The following SHTN1 variants were observed in gnomAD, a reference collection of about 807,000 sequenced individuals.
The protein encoded by SHTN1 is shootin-1.
Under a neutral mutation model 83.1 loss-of-function variants are expected in SHTN1, and 42 were observed. The observed-to-expected ratio is 0.51, with a 90% CI of 0.39 to 0.65. The LOEUF is 0.65. Ranked by LOEUF, SHTN1 falls within the 30% of genes least tolerant of loss-of-function variation. SHTN1 has a pLI of 0.00. For synonymous variants in SHTN1, 224 were observed against 247.7 expected (o/e 0.90, Z 0.90); for missense variants, 622 against 737.8 (o/e 0.84, Z 1.82).
chr10:117,104,115 A>C (rs1334172164), intron 1 of SHTN1, among the ~76,000 whole-genome samples: 2 of 152,014 alleles, frequency 1.3e-5, no homozygotes, highest in South Asian at 4.1e-4. Flanking sequence ...CTGGCACCAA[A>C]TCCACCATTT....
At chr10:117,035,026 T>A (rs944358553) in intron 2 of SHTN1, among the ~76,000 whole-genome samples, 1 of 152,146 alleles carries the variant, frequency 6.6e-6, no homozygotes, top group Non-Finnish European at 1.5e-5. Flanking sequence ...GCCAAAGCTA[T>A]CCTAAGCTAG....
chr10:117,064,513 G>A (rs1589917059), intron 1 of SHTN1, among the ~76,000 whole-genome samples: 2 of 152,198 alleles, frequency 1.3e-5, no homozygotes, highest in East Asian at 3.9e-4. Context: ...AAATTAGCTG[G>A]GTGTGGTGGT....
At chr10:116,973,672 A>T (rs955951373) in intron 2 of SHTN1, among the ~76,000 whole-genome samples, 1 of 152,228 alleles carries the variant, frequency 6.6e-6, no homozygotes, top group Non-Finnish European at 1.5e-5. Context: ...AAATACTGCC[A>T]AACCAGAACT....
intron 1 of SHTN1, among the ~76,000 whole-genome samples, chr10:117,099,007 T>TATACAC (rs1564958876): frequency 2.3e-5 from 1 of 43,090 alleles, no homozygotes; most frequent in African/African-American, 5.8e-5. Flanking sequence ...ATGTGGTATG[T>TATACAC]ATACACACAC....
intron 1 of SHTN1, among the ~76,000 whole-genome samples, chr10:117,089,641 A>G (rs1177308146): frequency 6.6e-6 from 1 of 152,182 alleles, no homozygotes; most frequent in African/African-American, 2.4e-5. Context: ...CAGTATCAAC[A>G]GAATGAGAAG....
At chr10:116,962,992 A>C (rs1385048066) in intron 3 of SHTN1, among the ~76,000 whole-genome samples, 1 of 147,924 alleles carries the variant, frequency 6.8e-6, no homozygotes, top group Non-Finnish European at 1.5e-5. Flanking sequence ...AAACAGAAAT[A>C]CTTTTAATAT....
At chr10:117,086,178 A>C (rs887109014) in intron 1 of SHTN1, among the ~76,000 whole-genome samples, 2 of 152,144 alleles carry the variant, frequency 1.3e-5, no homozygotes, top group Admixed American at 1.3e-4. Flanking sequence ...TTGGCCTCCC[A>C]AAGTGCTGGG....
chr10:116,896,986 T>C (rs534867394), intron 16 of SHTN1, among the ~76,000 whole-genome samples: 1 of 152,234 alleles, frequency 6.6e-6, no homozygotes, highest in African/African-American at 2.4e-5. Flanking sequence ...TTTGTATTTT[T>C]AGTAGAGATA....
chr10:117,005,316 G>A (rs1851979030), upstream of SHTN1: 1 of 1,379,904 alleles, frequency 7.2e-7, no homozygotes, highest in African/African-American at 1.5e-5. Flanking sequence ...CAGCAGTCCC[G>A]TTCAGGGGGT....
At chr10:117,112,012 C>G (rs1213947509) in intron 1 of SHTN1, among the ~76,000 whole-genome samples, 1 of 152,128 alleles carries the variant, frequency 6.6e-6, no homozygotes, top group Non-Finnish European at 1.5e-5. Flanking sequence ...GTCACCCAGG[C>G]TGGAGTCCAG....
intron 16 of SHTN1, among the ~76,000 whole-genome samples, chr10:116,894,085 AT>A (rs1416937894): frequency 1.3e-5 from 2 of 152,166 alleles, no homozygotes; most frequent in African/African-American, 2.4e-5. Flanking sequence ...AGGCAATTAG[AT>A]TTTTTTTCTT....
At position 116,928,430 on chromosome 10, in the gene SHTN1, T is replaced by C. The variant is rs1848824815; in HGVS notation, c.1013-539A>G. On this transcript the variant is annotated intron_variant, in intron 10 of 16. Coordinates refer to ENST00000355371, the MANE Select transcript of SHTN1 (RefSeq NM_001127211.3). ...CTTTTTGCTCTTTTGAAGAGATTTCTGGAAATGTATCGTATTCCTTCAAGT... is the reference window on the plus strand; with the variant it reads ...CTTTTTGCTCTTTTGAAGAGATTTCCGGAAATGTATCGTATTCCTTCAAGT... Among the ~76,000 whole-genome samples the C allele has an allele frequency of 5.3e-5, 8 of 152,236 alleles. No homozygotes were observed. The South Asian group carries it at 1.7e-3, about 31-fold the overall frequency.
chr10:117,016,509 C>T (rs999050325), intron 2 of SHTN1, among the ~76,000 whole-genome samples: 2 of 152,184 alleles, frequency 1.3e-5, no homozygotes, highest in East Asian at 1.9e-4. Context: ...TGGCTTCAAG[C>T]GATTTTCCAG....
rs1308566013 is a variant in SHTN1, at chr10:116,881,928, AC to A, written c.*4415del. 2 of 327,826 alleles carry A rather than the reference AC, an allele frequency of 6.1e-6. No homozygotes were observed. Among genetic ancestry groups the A allele is most frequent in the Non-Finnish European group, 1.1e-5 (2 of 182,618 alleles). 20.3% of individuals were successfully genotyped at this position (327,826 alleles called of 1,614,324 possible). A position where few individuals can be genotyped will look rare whatever the true frequency, so the allele number is the denominator to read the frequency against. On this transcript the variant is annotated 3_prime_UTR_variant, in exon 17 of 17. Transcript: ENST00000355371. ...GCTCTCCTGTCCATTTTTCAGGGACACGCTCCAGTAAAAGAGGCCAATATTT... is the reference window on the plus strand; with the variant it reads ...GCTCTCCTGTCCATTTTTCAGGGACAGCTCCAGTAAAAGAGGCCAATATTT...
chr10:116,972,793 A>G (rs1438841339), intron 2 of SHTN1, among the ~76,000 whole-genome samples: 1 of 152,214 alleles, frequency 6.6e-6, no homozygotes, highest in Non-Finnish European at 1.5e-5. Context: ...CAGTGGCACA[A>G]CTGCTGGCTC....
At chr10:116,974,123 C>T (rs1850711125) in intron 2 of SHTN1, 1 of 1,073,396 alleles carries the variant, frequency 9.3e-7, no homozygotes, top group Non-Finnish European at 1.1e-6. Flanking sequence ...TGGTAGCTGC[C>T]CTCAAAGCTG....
chr10:117,077,684 T>C (rs1853181104), intron 1 of SHTN1, among the ~76,000 whole-genome samples: 1 of 152,112 alleles, frequency 6.6e-6, no homozygotes, highest in Non-Finnish European at 1.5e-5. Flanking sequence ...TGTGTCCATG[T>C]GTTCTCATTG....
chr10:117,097,013 G>A lies in SHTN1; in HGVS notation c.-189+29294C>T, dbSNP rs187835884. On this transcript the variant is annotated intron_variant, in intron 1 of 17. Coordinates refer to the SHTN1 transcript ENST00000392901. ...CAAACACCCAAGCGCGCACGCGCGC[G>A]CACACACACACACATAGACACACAC... Among the ~76,000 whole-genome samples the A allele has an allele frequency of 3.5e-3, 497 of 141,750 alleles. 7 individuals are homozygous for A. The highest frequency in any genetic ancestry group is 1.8e-3 in the Non-Finnish European group (115 of 65,592). The allele number at this position is 141,750 out of a possible 152,430, so 93.0% of individuals were successfully genotyped here. A position where few individuals can be genotyped will look rare whatever the true frequency, so the allele number is the denominator to read the frequency against.
At chr10:117,016,612 G>T (rs1331672617) in intron 2 of SHTN1, among the ~76,000 whole-genome samples, 1 of 152,126 alleles carries the variant, frequency 6.6e-6, no homozygotes, top group Non-Finnish European at 1.5e-5. Flanking sequence ...TTACTATGCT[G>T]GCCAGCCTGA....
Sources: allele counts gnomAD v4.1 joint callset (sites outside exome capture counted in the v4.1 genomes callset), GRCh38; gene constraint gnomAD v4.1.1; transcripts MANE v1.5; gene names NCBI Gene and HGNC (gene_info 2026-07-23, HGNC 2026-07-21).